Variants in CELF2 observed in about 807,000 individuals in gnomAD.
CELF2 encodes the protein CUG triplet repeat RNA-binding protein 2.
Under a neutral mutation model 62.6 loss-of-function variants are expected in CELF2, and 8 were observed. The ratio of observed to expected loss-of-function variants is 0.13; its 90% CI spans 0.07 to 0.23. The LOEUF (loss-of-function observed/expected upper bound fraction) is 0.23. CELF2 is among the 10% of genes least tolerant of loss of function. The pLI is 1.00. For synonymous variants in CELF2, 258 were observed against 250.0 expected (o/e 1.03, Z -0.30); for missense variants, 333 against 671.0 (o/e 0.50, Z 5.56).
At chr10:11,079,748 C>A (rs570140457) in intron 1 of CELF2, among the ~76,000 whole-genome samples, 12 of 132,982 alleles carry the variant, frequency 9.0e-5, no homozygotes, top group African/African-American at 3.1e-4. Context: ...ACAGCCCCCC[C>A]CCCCTTTTTA....
chr10:10,967,800 G>A (rs2050294840), intron 2 of CELF2, among the ~76,000 whole-genome samples: 1 of 152,154 alleles, frequency 6.6e-6, no homozygotes, highest in Admixed American at 6.5e-5. Context: ...GCCATGACTG[G>A]AGTTCGGCCA....
At chr10:11,323,929 T>G (rs1359233365) in intron 11 of CELF2, among the ~76,000 whole-genome samples, 1 of 152,194 alleles carries the variant, frequency 6.6e-6, no homozygotes, top group Admixed American at 6.5e-5. Context: ...ATCTTTTTTT[T>G]TTTTTCATTT....
intron 2 of CELF2, among the ~76,000 whole-genome samples, chr10:11,205,537 A>G (rs773242290): frequency 5.9e-5 from 9 of 152,182 alleles, no homozygotes; most frequent in Non-Finnish European, 1.3e-4. Context: ...GCTGTCACTA[A>G]CCCCATGTTA....
chr10:10,822,319 G>A (rs973161269), intron 1 of CELF2, among the ~76,000 whole-genome samples: 1 of 152,230 alleles, frequency 6.6e-6, no homozygotes, highest in Non-Finnish European at 1.5e-5. Context: ...TTAATAGACA[G>A]GAAGTCATTG....
intron 1 of CELF2, among the ~76,000 whole-genome samples, chr10:10,899,494 A>G (rs1331115859): frequency 6.6e-6 from 1 of 152,216 alleles, no homozygotes; most frequent in Non-Finnish European, 1.5e-5. Flanking sequence ...TCTGCAGAGA[A>G]CTAGATAGTA....
rs1234292950 is a variant in CELF2, at chr10:11,061,641, TA to T, written c.74+43480del. Among the ~76,000 whole-genome samples the T allele has an allele frequency of 3.9e-5, 6 of 152,326 alleles. No homozygotes were observed. In the East Asian group the frequency reaches 1.2e-3, roughly 29 times the overall value. ...TTCAGAGGACAGATTGATTATCTTA[TA>T]AGGGGCTAATACAACTGGTGACTTT... On this transcript the variant is annotated intron_variant, in intron 1 of 12. Transcript: ENST00000633077.
intron 1 of CELF2, among the ~76,000 whole-genome samples, chr10:10,799,307 A>G (rs1590464718): frequency 6.8e-6 from 1 of 147,666 alleles, no homozygotes; most frequent in Admixed American, 6.7e-5. Context: ...TGGCAAAACC[A>G]CCCCTGTCTC....
chr10:11,298,230 A>G (rs2093381726), intron 9 of CELF2, among the ~76,000 whole-genome samples: 1 of 152,096 alleles, frequency 6.6e-6, no homozygotes, highest in South Asian at 2.1e-4. Context: ...CTGCCTTCTG[A>G]GGGTCGGGTC....
intron 1 of CELF2, among the ~76,000 whole-genome samples, chr10:10,877,687 T>C (rs1271518992): frequency 6.6e-6 from 1 of 152,212 alleles, no homozygotes; most frequent in African/African-American, 2.4e-5. Context: ...AACCTGAAAT[T>C]TAGAGAAAGA....
chr10:10,993,762 C>T lies in CELF2; in HGVS notation c.89+73763C>T, dbSNP rs2053666556. 6.6e-6 allele frequency among the ~76,000 whole-genome samples: 1 copy of T among 152,098 alleles called. No homozygotes were observed. The highest frequency in any genetic ancestry group is 1.5e-5 in the Non-Finnish European group (1 of 68,016). On this transcript the variant is annotated intron_variant, in intron 2 of 13. Coordinates refer to the CELF2 transcript ENST00000636488. This position sits in a 1 kb window ranked among gnomAD's most constrained non-coding sequence, Gnocchi z 5.3. ...ATCGATATGGACTCAGCTGTGTTCT[C>T]CCCAAAATTTGTGTGTTGAAGTCCT...
At chr10:10,703,389 T>C in the CELF2 span, among the ~76,000 whole-genome samples, 1 of 152,082 alleles carries the variant, frequency 6.6e-6, no homozygotes, top group South Asian at 2.1e-4. Context: ...ACTCCACACC[T>C]CCCCCTAAAT....
At chr10:10,885,072 T>C (rs922978208) in intron 1 of CELF2, among the ~76,000 whole-genome samples, 9 of 152,090 alleles carry the variant, frequency 5.9e-5, no homozygotes, top group African/African-American at 2.2e-4. Flanking sequence ...TGAAACCCCG[T>C]CTCTACTAAA....
At chr10:10,495,992 A>G in the CELF2 span, among the ~76,000 whole-genome samples, 1 of 152,270 alleles carries the variant, frequency 6.6e-6, no homozygotes, top group Non-Finnish European at 1.5e-5. Flanking sequence ...TAATGTAAGT[A>G]GTAGCATTTT....
chr10:10,543,003 C>G, the CELF2 span, among the ~76,000 whole-genome samples: 1 of 152,130 alleles, frequency 6.6e-6, no homozygotes, highest in Admixed American at 6.5e-5. Context: ...AATTCAGCTG[C>G]CCCTGTATGT....
At position 10,973,349 on chromosome 10, in the gene CELF2, G is replaced by T. The variant is rs534804717; in HGVS notation, c.89+53350G>T. On this transcript the variant is annotated intron_variant, in intron 2 of 13. Transcript: ENST00000636488. ...CATACTCTTAGGGGATATGACTCCT[G>T]GGTCCCAGCACCCCACGCCTGACAT... Among the ~76,000 whole-genome samples the T allele has an allele frequency of 1.3e-3, 195 of 152,164 alleles. 1 individual carries two copies. The highest frequency in any genetic ancestry group is 6.9e-3 in the Admixed American group (105 of 15,286).
rs1213135201 is a variant in CELF2 at position 10,995,868 on chromosome 10, A to G, written c.89+75869A>G. 6.6e-6 allele frequency among the ~76,000 whole-genome samples: 1 copy of G among 152,116 alleles called. No individual in the cohort carries two copies. Among genetic ancestry groups the G allele is most frequent in the Non-Finnish European group, 1.5e-5 (1 of 68,026 alleles). ...GACAATGTAAACTCATGGGCATTCT[A>G]GTTTCTATATATTTATGTTCATCAA... On this transcript the variant is annotated intron_variant, in intron 2 of 13. Transcript: ENST00000636488. The surrounding 1 kb of genome is among the most constrained non-coding windows in gnomAD (Gnocchi z 4.7).
the CELF2 span, among the ~76,000 whole-genome samples, chr10:10,674,036 T>G: frequency 1.3e-5 from 2 of 152,230 alleles, no homozygotes; most frequent in African/African-American, 4.8e-5. Context: ...GTCCATTATA[T>G]CCAGTTGATT....
intron 1 of CELF2, among the ~76,000 whole-genome samples, chr10:11,099,655 T>C (rs7070530): frequency 0.25 from 37,319 of 152,120 alleles, 6,366 homozygotes; most frequent in African/African-American, 0.48. Flanking sequence ...GTGCTACTCA[T>C]AATCAGGTAA....
chr10:11,109,196 C>G (rs373817394), intron 1 of CELF2, among the ~76,000 whole-genome samples: 2 of 152,268 alleles, frequency 1.3e-5, no homozygotes, highest in South Asian at 2.1e-4. Context: ...ACGGATCCAG[C>G]ATTTTCTCTC....
Sources: gnomAD v4.1 joint callset for allele counts (sites outside exome capture counted in the v4.1 genomes callset) on GRCh38, gnomAD v4.1.1 for gene constraint, Gnocchi (gnomAD v3.1) non-coding constraint, MANE v1.5 for transcripts, NCBI Gene and HGNC (gene_info 2026-07-23, HGNC 2026-07-21) for gene names.